The following CLVS1 variants were observed in gnomAD, a reference collection of about 807,000 sequenced individuals.
CLVS1 encodes clavesin 1, also known as clavesin-1.
In CLVS1, 10 loss-of-function variants were observed where a neutral mutation model predicts 33.1. The ratio of observed to expected loss-of-function variants is 0.30; its 90% CI spans 0.19 to 0.51. The LOEUF is 0.51. Among genes scored for constraint, CLVS1 ranks in the 20% least tolerant of loss-of-function variants. The probability of loss-of-function intolerance (pLI) is 0.97; values close to 1 mark genes in which losing one functional copy is unlikely to be tolerated. For missense variants in CLVS1, 343 were observed against 433.4 expected (o/e 0.79, Z 1.85); for synonymous variants, 163 against 166.1 (o/e 0.98, Z 0.14).
Position 61,232,025 on chromosome 8 carries a change from T to TTG in CLVS1, c.-151-67651_-151-67650insGT, listed in dbSNP as rs969751955. Among the ~76,000 whole-genome samples, 34 of 105,666 alleles carry TTG rather than the reference T, an allele frequency of 3.2e-4. 2 individuals carry two copies. The East Asian group carries it at 6.1e-3, about 19-fold the overall frequency. 69.3% of individuals were successfully genotyped at this position (105,666 alleles called of 152,430 possible). A position where few individuals can be genotyped will look rare whatever the true frequency, so the allele number is the denominator to read the frequency against. On this transcript the variant is annotated intron_variant, in intron 2 of 2. Transcript: ENST00000522621. Reference sequence around the variant, plus strand: ...AAGGAGCCCTGAGGAAAGTTGTGGTTTTTTTTTTTTTTTTTTTTTTTTTTT... The same window carrying TTG: ...AAGGAGCCCTGAGGAAAGTTGTGGTTTGTTTTTTTTTTTTTTTTTTTTTTTTT...
At chr8:61,409,265 CA>C (rs1383875221) in intron 3 of CLVS1, among the ~76,000 whole-genome samples, 6 of 152,018 alleles carry the variant, frequency 3.9e-5, no homozygotes, top group Non-Finnish European at 1.5e-5. Flanking sequence ...CCTTCTTTTC[CA>C]CAAGGGTAAC....
At chr8:61,486,131 T>A (rs1278880479) in intron 5 of CLVS1, among the ~76,000 whole-genome samples, 4 of 130,546 alleles carry the variant, frequency 3.1e-5, no homozygotes, top group Admixed American at 1.5e-4. Context: ...ATAAATAAAA[T>A]AAATGGGAGA....
chr8:61,307,708 T>C (rs1810679681), intron 2 of CLVS1, among the ~76,000 whole-genome samples: 1 of 152,168 alleles, frequency 6.6e-6, no homozygotes, highest in South Asian at 2.1e-4. Context: ...TTTGATAGAT[T>C]TAGGGGGTAC....
chr8:61,190,230 T>C (rs2978503), intron 2 of CLVS1, among the ~76,000 whole-genome samples: 79,677 of 152,006 alleles, frequency 0.52, 21,625 homozygotes, highest in Middle Eastern at 0.69. Flanking sequence ...CACTCCAAAC[T>C]GCTCAACTAC....
At chr8:61,017,147 GA>G in the CLVS1 span, among the ~76,000 whole-genome samples, 1 of 152,204 alleles carries the variant, frequency 6.6e-6, no homozygotes, top group Non-Finnish European at 1.5e-5. Context: ...AGCCTGGTGG[GA>G]TTTTTGGGCT....
At chr8:61,081,994 G>A (rs187146658) in intron 1 of CLVS1, among the ~76,000 whole-genome samples, 49 of 152,290 alleles carry the variant, frequency 3.2e-4, no homozygotes, top group Middle Eastern at 3.4e-3. Context: ...CTTATATATG[G>A]CAGAGATGTT....
At chr8:61,047,240 AT>A in the CLVS1 span, among the ~76,000 whole-genome samples, 2 of 152,260 alleles carry the variant, frequency 1.3e-5, no homozygotes, top group African/African-American at 4.8e-5. Flanking sequence ...AGAAATGCAA[AT>A]CAAAACCACA....
intron 1 of CLVS1, among the ~76,000 whole-genome samples, chr8:61,104,099 A>G (rs1395424738): frequency 2.6e-5 from 4 of 152,240 alleles, no homozygotes; most frequent in African/African-American, 7.2e-5. Flanking sequence ...TTTGGATTTC[A>G]GCAGGCATGA....
intron 4 of CLVS1, among the ~76,000 whole-genome samples, chr8:61,457,035 T>C (rs1331016802): frequency 6.6e-6 from 1 of 151,824 alleles, no homozygotes; most frequent in African/African-American, 2.4e-5. Context: ...CCTCCTGGGT[T>C]CAAGTGATTC....
the CLVS1 span, among the ~76,000 whole-genome samples, chr8:60,981,873 C>T: frequency 3.3e-5 from 5 of 152,298 alleles, no homozygotes; most frequent in East Asian, 3.9e-4. Context: ...AAGCAGGAGG[C>T]GCGACGAATT....
At chr8:61,488,110 A>C (rs568841908) in intron 5 of CLVS1, among the ~76,000 whole-genome samples, 1 of 152,332 alleles carries the variant, frequency 6.6e-6, no homozygotes, top group Admixed American at 6.5e-5. Flanking sequence ...TATGATTGGT[A>C]GTAGTAAAAA....
At chr8:61,336,796 G>A (rs1811822618) in intron 2 of CLVS1, among the ~76,000 whole-genome samples, 1 of 152,118 alleles carries the variant, frequency 6.6e-6, no homozygotes, top group African/African-American at 2.4e-5. Flanking sequence ...GTTTGACTAA[G>A]GTAGGTGGTG....
Position 61,438,680 on chromosome 8 carries a change from G to A in CLVS1, c.631-15461G>A, listed in dbSNP as rs187112367. On this transcript the variant is annotated intron_variant, in intron 3 of 5. Coordinates refer to ENST00000325897, the MANE Select transcript of CLVS1 (RefSeq NM_173519.3). ...AGCGTTCCTATTTCTCTACAACCTC[G>A]CCAGCATCTGCTGTTTCTTGAATTT... Among the ~76,000 whole-genome samples, 9 of 152,178 alleles carry A rather than the reference G, an allele frequency of 5.9e-5. No individual in the cohort carries two copies. The East Asian group carries it at 1.2e-3, about 20-fold the overall frequency.
chr8:61,490,353 A>T (rs1804029122), intron 5 of CLVS1, among the ~76,000 whole-genome samples: 1 of 151,348 alleles, frequency 6.6e-6, no homozygotes, highest in Non-Finnish European at 1.5e-5. Flanking sequence ...AAAGAAATTT[A>T]TGGAAATGAA....
intron 2 of CLVS1, among the ~76,000 whole-genome samples, chr8:61,265,735 T>C (rs1266542843): frequency 6.6e-6 from 1 of 152,210 alleles, no homozygotes; most frequent in Admixed American, 6.5e-5. Context: ...TACCCTCTGT[T>C]ACTACAGAGC....
At chr8:61,305,680 A>G (rs1810598643) in intron 2 of CLVS1, among the ~76,000 whole-genome samples, 1 of 151,974 alleles carries the variant, frequency 6.6e-6, no homozygotes, top group African/African-American at 2.4e-5. Flanking sequence ...AGTATTCATT[A>G]GTTAGTTTTC....
At chr8:61,032,992 G>GAAAGAAA in the CLVS1 span, among the ~76,000 whole-genome samples, 4 of 44,830 alleles carry the variant, frequency 8.9e-5, no homozygotes, top group African/African-American at 2.7e-4. Flanking sequence ...AAGGAAGGAA[G>GAAAGAAA]GAAAGAAAGA....
intron 5 of CLVS1, among the ~76,000 whole-genome samples, chr8:61,491,777 A>G (rs1282478470): frequency 1.3e-5 from 2 of 152,242 alleles, no homozygotes; most frequent in Admixed American, 1.3e-4. Context: ...AAAAGCACAG[A>G]TGATTGTTAC....
chr8:61,209,530 G>A (rs1807929588), intron 2 of CLVS1, among the ~76,000 whole-genome samples: 1 of 152,188 alleles, frequency 6.6e-6, no homozygotes, highest in Non-Finnish European at 1.5e-5. Context: ...CCTGATTGAG[G>A]CAGAGGCAAT....
Sources: gnomAD v4.1 joint callset for allele counts (sites outside exome capture counted in the v4.1 genomes callset) on GRCh38, gnomAD v4.1.1 for gene constraint, MANE v1.5 for transcripts, NCBI Gene and HGNC (gene_info 2026-07-23, HGNC 2026-07-21) for gene names.